FAAH: variants seen among roughly 807,000 people sequenced by gnomAD.
FAAH encodes the protein fatty-acid amide hydrolase 1.
In FAAH, 63 loss-of-function variants were observed where a neutral mutation model predicts 69.7. The observed-to-expected ratio is 0.90, with a 90% confidence interval of 0.74 to 1.12. The LOEUF (loss-of-function observed/expected upper bound fraction) is 1.12, where lower values mean the gene tolerates loss of function less well. FAAH is among the 50% of genes most tolerant of loss of function. The pLI is 0.00. For missense variants in FAAH, 680 were observed against 755.0 expected (o/e 0.90, Z 1.16); for synonymous variants, 305 against 324.2 (o/e 0.94, Z 0.64).
Position 46,410,478 on chromosome 1 carries a change from C to T in FAAH, c.1256C>T (p.Ala419Val). The T allele has an allele frequency of 6.2e-7, 1 of 1,614,062 alleles. No homozygotes were observed. Among genetic ancestry groups the T allele is most frequent in the Non-Finnish European group, 8.5e-7 (1 of 1,179,938 alleles). Reference protein sequence around the residue: ...KLPQWLKGLLAFLVKPLLPRL... With the variant: ...KLPQWLKGLLVFLVKPLLPRL... ...CCCCAATGGCTTAAAGGACTGCTGG[C>T]CTTCCTGGTGAAGCCTCTGGTGAGG... Residue 419 changes from alanine to valine, a missense_variant, in exon 10 of 15, where the codon GCC becomes GTC. By Grantham distance (64) the Ala-to-Val change is moderately conservative. Coordinates refer to ENST00000243167, the MANE Select transcript of FAAH (RefSeq NM_001441.3). This position sits in a 1 kb window ranked among gnomAD's most constrained non-coding sequence, Gnocchi z 4.9.
intron 9 of FAAH, among the ~76,000 whole-genome samples, chr1:46,409,466 G>T (rs538008212): frequency 6.6e-6 from 1 of 152,092 alleles, no homozygotes; most frequent in Non-Finnish European, 1.5e-5. Context: ...TGGGCAGGAG[G>T]TTGCCTCTCT....
intron 9 of FAAH, 193 bp downstream of exon 9, chr1:46,409,391 C>G: frequency 1.6e-6 from 1 of 615,522 alleles, no homozygotes; most frequent in Non-Finnish European, 3.0e-6. Flanking sequence ...GGTGCCAGCC[C>G]GAGGGGAGGC....
chr1:46,412,252 G>A lies in FAAH; in HGVS notation c.1465+1G>A. 5 of 1,549,484 alleles carry A rather than the reference G, an allele frequency of 3.2e-6. No homozygotes were observed. Among genetic ancestry groups the A allele is most frequent in the Non-Finnish European group, 4.4e-6 (5 of 1,145,004 alleles). The stretch of plus-strand genomic sequence containing the variant: ...TTGAATGCCCCAGGCAGGGCCACAG[G>A]TGAGGCCCGACACCCTGCCTGTCCC... On this transcript the variant is annotated splice_donor_variant, in intron 13 of 14. Transcript: ENST00000243167. LOFTEE classifies it high-confidence loss of function.
intron 1 of FAAH, among the ~76,000 whole-genome samples, chr1:46,394,991 G>C (rs1200884921): frequency 6.6e-6 from 1 of 152,194 alleles, no homozygotes; most frequent in Admixed American, 6.5e-5. Flanking sequence ...CCAGGCAAGA[G>C]TGCAGTGGTG....
chr1:46,402,211 C>T lies in FAAH; in HGVS notation c.309+7C>T, dbSNP rs374574022. 38 of 1,568,870 alleles carry T rather than the reference C, an allele frequency of 2.4e-5. No individual in the cohort carries two copies. The highest frequency in any genetic ancestry group is 9.7e-5 in the East Asian group (4 of 41,372). On this transcript the variant is annotated splice_region_variant and intron_variant, in intron 2 of 14. Coordinates refer to ENST00000243167, the MANE Select transcript of FAAH (RefSeq NM_001441.3). Reference sequence around the variant, plus strand: ...CTTCACCTATGTGGGAAAGGTAAGGCCAGCCAAGGCCAGCCCCTCCCTGGG... The same window carrying T: ...CTTCACCTATGTGGGAAAGGTAAGGTCAGCCAAGGCCAGCCCCTCCCTGGG...
intron 1 of FAAH, among the ~76,000 whole-genome samples, chr1:46,399,274 C>T (rs982663922): frequency 1.3e-5 from 2 of 152,204 alleles, no homozygotes; most frequent in African/African-American, 4.8e-5. Flanking sequence ...AAAAATTGTG[C>T]ATGCAGGTGG....
rs1333887047 is a variant in FAAH at position 46,410,522 on chromosome 1, C to G, written c.1275+25C>G. The G allele has an allele frequency of 6.3e-7, 1 of 1,597,194 alleles. No individual in the cohort carries two copies. Among genetic ancestry groups the G allele is most frequent in the Admixed American group, 1.7e-5 (1 of 59,876 alleles). ...GGTGAGGGCACAAGGAGTGGAGGGG[C>G]TAGGATGGCTGGGGGGGAACCTAGG... On this transcript the variant is annotated intron_variant, in intron 10 of 14. Transcript: ENST00000243167. The surrounding 1 kb of genome is among the most constrained non-coding windows in gnomAD (Gnocchi z 4.9).
chr1:46,398,536 A>ATTTTTT (rs1557756514), intron 1 of FAAH, among the ~76,000 whole-genome samples: 4 of 126,898 alleles, frequency 3.2e-5, no homozygotes, highest in Admixed American at 7.7e-5. Flanking sequence ...GGCAACCAAG[A>ATTTTTT]TTCTTTTTTT....
chr1:46,397,504 A>C (rs569387118), intron 1 of FAAH, among the ~76,000 whole-genome samples: 4 of 151,942 alleles, frequency 2.6e-5, no homozygotes, highest in South Asian at 2.1e-4. Context: ...TGGGGTCCTG[A>C]TTGACAATAG....
Position 46,405,934 on chromosome 1 carries a change from G to T in FAAH, c.786-104G>T. The T allele has an allele frequency of 6.2e-7, 1 of 1,612,354 alleles. No individual in the cohort carries two copies. Among genetic ancestry groups the T allele is most frequent in the Non-Finnish European group, 8.5e-7 (1 of 1,179,824 alleles). The stretch of plus-strand genomic sequence containing the variant: ...ATTACAGTACCACTGGCCGGGCGTG[G>T]GTCCTAGTTTCCAAAGCGGTGAGTG... On this transcript the variant is annotated intron_variant, in intron 5 of 14. Transcript: ENST00000243167. The surrounding 1 kb of genome is among the most constrained non-coding windows in gnomAD (Gnocchi z 4.1).
intron 1 of FAAH, among the ~76,000 whole-genome samples, chr1:46,396,699 C>T (rs1208961324): frequency 2.0e-5 from 3 of 152,164 alleles, no homozygotes; most frequent in Admixed American, 6.5e-5. Context: ...CATGTTTCTG[C>T]GAGCATAGGG....
chr1:46,410,615 C>T lies in FAAH; in HGVS notation c.1275+118C>T. 2.7e-6 allele frequency: 3 copies of T among 1,113,454 alleles called. No individual in the cohort carries two copies. The highest frequency in any genetic ancestry group is 4.1e-6 in the Non-Finnish European group (3 of 734,644). 69.0% of individuals were successfully genotyped at this position (1,113,454 alleles called of 1,614,324 possible). A position where few individuals can be genotyped will look rare whatever the true frequency, so the allele number is the denominator to read the frequency against. Reference sequence around the variant, plus strand: ...TTGGTTTGGGCAGGCATGGCCTCCTCTTCTCTCCAGTCCCCACCCAGACTG... The same window carrying T: ...TTGGTTTGGGCAGGCATGGCCTCCTTTTCTCTCCAGTCCCCACCCAGACTG... On this transcript the variant is annotated intron_variant, in intron 10 of 14. Coordinates refer to ENST00000243167, the MANE Select transcript of FAAH (RefSeq NM_001441.3). The surrounding 1 kb of genome is among the most constrained non-coding windows in gnomAD (Gnocchi z 4.9).
Position 46,394,484 on chromosome 1 carries a change from C to T in FAAH, c.136C>T (p.Gln46Ter). Residue 46 changes from glutamine to a stop codon, truncating the protein, a stop_gained, in exon 1 of 15, where the codon CAG (glutamine) becomes TAG (stop). Coordinates refer to ENST00000243167, the MANE Select transcript of FAAH (RefSeq NM_001441.3). LOFTEE classifies it high-confidence loss of function. ...GCGGGGCGCGGTGGTCCGGGCGCGA[C>T]AGAGGCAGCGAGCGGGCCTGGAGAA... ...TARGAVVRAR[Q>*]RQRAGLENMD... 1.4e-6 allele frequency: 2 copies of T among 1,395,804 alleles called. No individual in the cohort carries two copies. Among genetic ancestry groups the T allele is most frequent in the Non-Finnish European group, 1.9e-6 (2 of 1,080,698 alleles). 86.5% of individuals were successfully genotyped at this position (1,395,804 alleles called of 1,614,324 possible).
At chr1:46,398,027 G>A (rs898506102) in intron 1 of FAAH, among the ~76,000 whole-genome samples, 4 of 136,394 alleles carry the variant, frequency 2.9e-5, no homozygotes, top group African/African-American at 2.8e-5. Flanking sequence ...TCCACCTCCC[G>A]GGTTCAAGCA....
rs116646380 is a variant in FAAH, at chr1:46,396,683, A to C, written c.195+2140A>C. On this transcript the variant is annotated intron_variant, in intron 1 of 14. Coordinates refer to ENST00000243167, the MANE Select transcript of FAAH (RefSeq NM_001441.3). ...AGCCCTAATTAAACCTTGAGTCAAC[A>C]CAGCACATGTTTCTGCGAGCATAGG... Among the ~76,000 whole-genome samples the C allele has an allele frequency of 9.1e-3, 1,390 of 152,316 alleles. 31 individuals are homozygous for C. The highest frequency in any genetic ancestry group is 0.032 in the African/African-American group (1,346 of 41,564).
chr1:46,402,836 G>C (rs556393514), intron 2 of FAAH, among the ~76,000 whole-genome samples: 27 of 151,088 alleles, frequency 1.8e-4, no homozygotes, highest in Admixed American at 1.6e-3. Context: ...GGGAGTACAG[G>C]CACCTGCTAA....
chr1:46,398,051 A>G (rs1664630742), intron 1 of FAAH, among the ~76,000 whole-genome samples: 1 of 148,036 alleles, frequency 6.8e-6, no homozygotes, highest in Non-Finnish European at 1.5e-5. Context: ...CTCCTGCCTC[A>G]GCCTCCCTAG....
chr1:46,412,061 C>G, intron 12 of FAAH, 82 bp from the exon 13 acceptor site: 1 of 1,264,766 alleles, frequency 7.9e-7, no homozygotes, highest in South Asian at 1.3e-5. Flanking sequence ...GCCAGAGCCA[C>G]CCCAGCCACA....
chr1:46,403,674 A>G (rs989918776), intron 2 of FAAH, among the ~76,000 whole-genome samples: 1 of 152,208 alleles, frequency 6.6e-6, no homozygotes, highest in Admixed American at 6.5e-5. Flanking sequence ...TGTCCGTGCC[A>G]CGGGCTCCCC....
Sources: gnomAD v4.1 joint callset for allele counts (sites outside exome capture counted in the v4.1 genomes callset) on GRCh38, gnomAD v4.1.1 for gene constraint, Gnocchi (gnomAD v3.1) non-coding constraint, MANE v1.5 for transcripts, NCBI Gene and HGNC (gene_info 2026-07-23, HGNC 2026-07-21) for gene names.